DELE1: variants seen among roughly 807,000 people sequenced by gnomAD.
DELE1 encodes DAP3 binding cell death enhancer 1, also known as death ligand signal enhancer.
In DELE1, 54 loss-of-function variants were observed where a neutral mutation model predicts 59.3. The ratio of observed to expected loss-of-function variants is 0.91; its 90% CI spans 0.73 to 1.14. The LOEUF is 1.14. Ranked by LOEUF, DELE1 falls within the 50% of genes most tolerant of loss-of-function variation. DELE1 has a pLI of 0.00. For missense variants in DELE1, 636 were observed against 643.9 expected, an observed-to-expected ratio of 0.99 and a Z score of 0.13; for synonymous variants, 264 against 259.1, an observed-to-expected ratio of 1.02 and a Z score of -0.18.
At chr5:141,925,648 A>G (rs1213874781) in intron 3 of DELE1, 121 bp downstream of exon 3, 3 of 556,934 alleles carry the variant, frequency 5.4e-6, no homozygotes, top group East Asian at 3.4e-5. Context: ...CAAGTAACCC[A>G]TGGTATTGGA....
intron 10 of DELE1, among the ~76,000 whole-genome samples, chr5:141,936,626 G>T (rs938474678): frequency 4.6e-5 from 7 of 152,060 alleles, no homozygotes; most frequent in African/African-American, 1.7e-4. Context: ...TTAGAGACGG[G>T]GTTTCACTAT....
chr5:141,923,901 C>T lies in DELE1; in HGVS notation c.-41C>T, dbSNP rs756832226. The stretch of plus-strand genomic sequence containing the variant: ...TAGCCGCTGTCCCAAGGGTTGGTCT[C>T]GCGCTTTCGGCTGCGAGCTCTCTGT... On this transcript the variant is annotated 5_prime_UTR_variant, in exon 1 of 12. Coordinates refer to ENST00000432126, the MANE Select transcript of DELE1 (RefSeq NM_014773.5). The T allele has an allele frequency of 1.3e-6, 2 of 1,582,426 alleles. No homozygotes were observed. The highest frequency in any genetic ancestry group is 2.3e-5 in the East Asian group (1 of 43,136).
chr5:141,938,654 C>A lies in DELE1; in HGVS notation c.1443C>A (p.Leu481=). The A allele has an allele frequency of 6.2e-7, 1 of 1,614,166 alleles. No individual in the cohort carries two copies. The highest frequency in any genetic ancestry group is 8.5e-7 in the Non-Finnish European group (1 of 1,180,038). ...HASSTGNLGL[L]CRSGHLGASL... ...CGAGCACAGGCAACCTTGGCCTCCT[C>A]TGCAGAAGTGGGCATCTCGGAGCCA... Residue 481 remains leucine, a synonymous_variant, in exon 12 of 12, where the codon CTC becomes CTA. Coordinates refer to ENST00000432126, the MANE Select transcript of DELE1 (RefSeq NM_014773.5).
intron 5 of DELE1, 111 bp from the exon 6 acceptor site, chr5:141,929,872 TTATTTC>T: frequency 6.7e-7 from 1 of 1,499,158 alleles, no homozygotes; most frequent in Non-Finnish European, 9.3e-7. Flanking sequence ...TGATTCAGGG[TTATTTC>T]GGTTCCTGGC....
chr5:141,925,313 A>C (rs112376675), intron 2 of DELE1, 97 bp from the exon 3 acceptor site: 2 of 688,192 alleles, frequency 2.9e-6, no homozygotes, highest in South Asian at 4.1e-5. Flanking sequence ...CACCCACCTC[A>C]GCCTCCCAAA....
In DELE1 at chr5:141,940,657, C is replaced by T. The variant is rs1054281558; in HGVS notation, c.*1898C>T. 8.1e-6 allele frequency: 8 copies of T among 985,666 alleles called. No homozygotes were observed. The highest frequency in any genetic ancestry group is 9.6e-6 in the Non-Finnish European group (8 of 830,050). 61.1% of individuals were successfully genotyped at this position (985,666 alleles called of 1,614,324 possible). ...CCATCTCCTCGCCTGCTCCCTGCCT[C>T]CTTTTCAGGGCTGCCCTGCACACTG... On this transcript the variant is annotated 3_prime_UTR_variant, in exon 12 of 12. Coordinates refer to ENST00000432126, the MANE Select transcript of DELE1 (RefSeq NM_014773.5).
In DELE1 at chr5:141,930,219, G is replaced by A. The variant is rs1481883768; in HGVS notation, c.699G>A (p.Val233=). Residue 233 remains valine, a synonymous_variant, in exon 7 of 12, where the codon GTG becomes GTA. Coordinates refer to ENST00000432126, the MANE Select transcript of DELE1 (RefSeq NM_014773.5). ...AAACTCTTTCCCTTGAGGAGGCTGTGACTTCCATTCAGCAGCTCTTCCAGC... is the reference window on the plus strand; with the variant it reads ...AAACTCTTTCCCTTGAGGAGGCTGTAACTTCCATTCAGCAGCTCTTCCAGC... ...KSKTLSLEEA[V]TSIQQLFQLS... 2 of 1,614,078 alleles carry A rather than the reference G, an allele frequency of 1.2e-6. No homozygotes were observed. Among genetic ancestry groups the A allele is most frequent in the Non-Finnish European group, 1.7e-6 (2 of 1,179,942 alleles).
At position 141,928,229 on chromosome 5, in the gene DELE1, G is replaced by A. The variant is rs1371339845; in HGVS notation, c.343G>A (p.Val115Ile). 2 of 1,614,240 alleles carry A rather than the reference G, an allele frequency of 1.2e-6. No homozygotes were observed. Among genetic ancestry groups the A allele is most frequent in the South Asian group, 2.2e-5 (2 of 91,086 alleles). The change falls in exon 4 of 12, where the codon GTA (valine) becomes ATA (isoleucine). Residue 115 changes from valine to isoleucine, a missense_variant. Val to Ile is a conservative substitution (Grantham distance 29). Transcript: ENST00000432126. ...QASLPAGPQR[V>I]EHCSWHSPLD... ...ATCCCTGCCAGCAGGACCTCAGCGG[G>A]TAGAACACTGCTCCTGGCACAGTCC... is the stretch of plus-strand genomic sequence containing the variant.
At position 141,940,101 on chromosome 5, in the gene DELE1, C is replaced by T. The variant is rs1561526907; in HGVS notation, c.*1342C>T. On this transcript the variant is annotated 3_prime_UTR_variant, in exon 12 of 12. Transcript: ENST00000432126. ...GATTTTGAGGTCCCCATTTGGGAAA[C>T]ATGTGCCAGAAATGTCTAGGTGTTT... The T allele has an allele frequency of 1.0e-6, 1 of 985,170 alleles. No homozygotes were observed. The highest frequency in any genetic ancestry group is 6.1e-5 in the Admixed American group (1 of 16,264). 61.0% of individuals were successfully genotyped at this position (985,170 alleles called of 1,614,324 possible). A position where few individuals can be genotyped will look rare whatever the true frequency, so the allele number is the denominator to read the frequency against.
At position 141,925,400 on chromosome 5, in the gene DELE1, C is replaced by G. The variant is rs779713624; in HGVS notation, c.147-10C>G. The G allele has an allele frequency of 1.9e-6, 3 of 1,546,108 alleles. No individual in the cohort carries two copies. The highest frequency in any genetic ancestry group is 3.4e-4 in the Middle Eastern group (2 of 5,838). ...GCCCCTACTTGATAGCCTCTTATTTCATCATCTAGGTCAGGTCCCCATGGC... is the reference window on the plus strand; with the variant it reads ...GCCCCTACTTGATAGCCTCTTATTTGATCATCTAGGTCAGGTCCCCATGGC... On this transcript the variant is annotated splice_polypyrimidine_tract_variant and intron_variant, in intron 2 of 11. Coordinates refer to ENST00000432126, the MANE Select transcript of DELE1 (RefSeq NM_014773.5).
At chr5:141,926,757 A>G (rs570893451) in intron 3 of DELE1, among the ~76,000 whole-genome samples, 1 of 152,332 alleles carries the variant, frequency 6.6e-6, no homozygotes, top group African/African-American at 2.4e-5. Context: ...TCATACCCTG[A>G]AGAGAGGAGC....
intron 10 of DELE1, 144 bp from the exon 11 acceptor site, chr5:141,937,054 T>C: frequency 6.6e-7 from 1 of 1,508,368 alleles, no homozygotes; most frequent in Non-Finnish European, 8.8e-7. Context: ...TTGAGATCCC[T>C]TGCTATGGGG....
rs760407550 is a variant in DELE1, at chr5:141,925,455, T to C, written c.192T>C (p.His64=). ...GPGTSGGPRS[H]GWKDAFQWMS... ...GCACGAGCGGGGGTCCAAGGTCCCA[T>C]GGATGGAAGGATGCCTTCCAATGGA... Residue 64 remains histidine (H), a synonymous_variant, in exon 3 of 12, where the codon CAT becomes CAC. Transcript: ENST00000432126. 2.0e-5 allele frequency: 32 copies of C among 1,604,138 alleles called. No homozygotes were observed. The highest frequency in any genetic ancestry group is 2.7e-5 in the Non-Finnish European group (32 of 1,175,624).
At chr5:141,936,722 C>T (rs1050098877) in intron 10 of DELE1, 16 of 289,588 alleles carry the variant, frequency 5.5e-5, no homozygotes, top group Non-Finnish European at 7.2e-5. Flanking sequence ...TGTGAGCCAC[C>T]GCGCCCAGGC....
chr5:141,931,758 G>T (rs1216127629), intron 7 of DELE1, among the ~76,000 whole-genome samples: 1 of 152,172 alleles, frequency 6.6e-6, no homozygotes, highest in Non-Finnish European at 1.5e-5. Context: ...GCAGCAAGGA[G>T]GCAACTTTAT....
chr5:141,939,977 A>G lies in DELE1; in HGVS notation c.*1218A>G. 51 of 983,366 alleles carry G rather than the reference A, an allele frequency of 5.2e-5. No homozygotes were observed. Among genetic ancestry groups the G allele is most frequent in the Non-Finnish European group, 6.2e-5 (51 of 828,094 alleles). 60.9% of individuals were successfully genotyped at this position (983,366 alleles called of 1,614,324 possible). On this transcript the variant is annotated 3_prime_UTR_variant, in exon 12 of 12. Transcript: ENST00000432126. ...TCCTGGCCCAGAGTTCTTGTCCATC[A>G]GTTCATACTGCAATTTTATGTGAAA...
At position 141,928,176 on chromosome 5, in the gene DELE1, A is replaced by C. The variant is rs1177280159; in HGVS notation, c.290A>C (p.Gln97Pro). ...SWGTLAVLAL[Q>P]LARQIHFQAS... ...GGCACTCTGGCCGTGCTGGCCCTGCAGCTGGCAAGGCAGATCCACTTCCAG... is the reference window on the plus strand; with the variant it reads ...GGCACTCTGGCCGTGCTGGCCCTGCCGCTGGCAAGGCAGATCCACTTCCAG... Residue 97 changes from glutamine (Q) to proline (P), a missense_variant, in exon 4 of 12, where the codon CAG (glutamine) becomes CCG (proline). Physicochemically the swap from Gln to Pro is moderately conservative, Grantham distance 76. Transcript: ENST00000432126. The C allele has an allele frequency of 6.2e-7, 1 of 1,614,094 alleles. No homozygotes were observed. Among genetic ancestry groups the C allele is most frequent in the Admixed American group, 1.7e-5 (1 of 60,018 alleles).
intron 7 of DELE1, among the ~76,000 whole-genome samples, 170 bp downstream of exon 7, chr5:141,930,444 C>T (rs142241949): frequency 2.0e-3 from 311 of 152,332 alleles, no homozygotes; most frequent in African/African-American, 6.9e-3. Context: ...CAGATGTGTC[C>T]TGCCATTTTT....
Position 141,938,894 on chromosome 5 carries a change from G to T in DELE1, c.*135G>T. The T allele has an allele frequency of 6.8e-7, 1 of 1,467,354 alleles. No homozygotes were observed. Among genetic ancestry groups the T allele is most frequent in the South Asian group, 1.4e-5 (1 of 71,310 alleles). The allele number at this position is 1,467,354 out of a possible 1,614,324, so 90.9% of individuals were successfully genotyped here. A position where few individuals can be genotyped will look rare whatever the true frequency, so the allele number is the denominator to read the frequency against. The stretch of plus-strand genomic sequence containing the variant: ...AGTTCAGGTTCCCAAGCAATTTCAC[G>T]TACATGGCTGGTAAGTGACTGATCT... On this transcript the variant is annotated 3_prime_UTR_variant, in exon 12 of 12. Coordinates refer to ENST00000432126, the MANE Select transcript of DELE1 (RefSeq NM_014773.5).
Sources: gnomAD v4.1 joint callset for allele counts (sites outside exome capture counted in the v4.1 genomes callset) on GRCh38, gnomAD v4.1.1 for gene constraint, MANE v1.5 for transcripts, NCBI Gene and HGNC (gene_info 2026-07-23, HGNC 2026-07-21) for gene names.